Variants in PAQR5 observed in about 807,000 individuals in gnomAD.
The protein encoded by PAQR5 is progestin and adipoQ receptor family member 5.
A neutral mutation model predicts 34.5 loss-of-function variants in PAQR5; 20 were observed. The ratio of observed to expected loss-of-function variants is 0.58; its 90% confidence interval spans 0.41 to 0.84. PAQR5 has a LOEUF of 0.84. Ranked by LOEUF, PAQR5 falls within the 40% of genes least tolerant of loss-of-function variation. PAQR5 has a pLI of 0.00. For missense variants in PAQR5, 378 were observed against 412.7 expected (o/e 0.92, Z 0.73); for synonymous variants, 131 against 155.6 (o/e 0.84, Z 1.18).
intron 1 of PAQR5, among the ~76,000 whole-genome samples, chr15:69,303,875 T>G (rs1373443350): frequency 6.6e-6 from 1 of 152,176 alleles, no homozygotes; most frequent in Non-Finnish European, 1.5e-5. Context: ...ATGGGGAGCT[T>G]TGGCTTTTTT....
intron 1 of PAQR5, 92 bp downstream of exon 1, chr15:69,299,148 G>T (rs2053462285): frequency 6.6e-6 from 1 of 152,092 alleles, no homozygotes; most frequent in South Asian, 2.1e-4. Context: ...GCCGCCCTGC[G>T]CCCGTGGAGC....
At chr15:69,375,147 C>A (rs2055671493) in intron 3 of PAQR5, among the ~76,000 whole-genome samples, 2 of 152,228 alleles carry the variant, frequency 1.3e-5, no homozygotes, top group South Asian at 4.1e-4. Flanking sequence ...TATTTTCTCG[C>A]AGTTCCGGAG....
intron 3 of PAQR5, among the ~76,000 whole-genome samples, chr15:69,367,574 G>A (rs2055435342): frequency 6.6e-6 from 1 of 152,202 alleles, no homozygotes; most frequent in Non-Finnish European, 1.5e-5. Context: ...ATCCCAGAAG[G>A]GGAAGCCAGG....
intron 6 of PAQR5, among the ~76,000 whole-genome samples, chr15:69,390,491 G>A (rs570501509): frequency 6.6e-6 from 1 of 151,932 alleles, no homozygotes; most frequent in African/African-American, 2.4e-5. Flanking sequence ...TTTGAACAGG[G>A]AGGTCCCTGC....
intron 1 of PAQR5, among the ~76,000 whole-genome samples, chr15:69,320,597 C>A (rs987578761): frequency 6.6e-6 from 1 of 151,920 alleles, no homozygotes; most frequent in African/African-American, 2.4e-5. Flanking sequence ...AAACAGGAAA[C>A]CCAAATATTT....
Position 69,400,062 on chromosome 15 carries a change from T to G in PAQR5, c.698T>G (p.Leu233Trp), listed in dbSNP as rs1442819706. ...ATCATGACCCTCCTGGCCTCTTTCT[T>G]GTACTCTGCACATCTGCCAGAACGC... ...HMIMTLLASFLYSAHLPERLA... is the reference protein window; with the variant it reads ...HMIMTLLASFWYSAHLPERLA... The change falls in exon 8 of 9, where the codon TTG becomes TGG. Residue 233 changes from leucine to tryptophan, a missense_variant. Transcript: ENST00000395407. The G allele has an allele frequency of 1.2e-6, 2 of 1,614,222 alleles. No individual in the cohort carries two copies. Among genetic ancestry groups the G allele is most frequent in the Non-Finnish European group, 1.7e-6 (2 of 1,180,032 alleles).
intron 1 of PAQR5, among the ~76,000 whole-genome samples, chr15:69,309,758 G>A (rs147940948): frequency 1.3e-5 from 2 of 152,264 alleles, no homozygotes; most frequent in Non-Finnish European, 2.9e-5. Context: ...TACCTAGAAA[G>A]CTGCTTCTTG....
intron 2 of PAQR5, among the ~76,000 whole-genome samples, chr15:69,342,342 G>A (rs1358531973): frequency 2.6e-5 from 4 of 151,388 alleles, no homozygotes; most frequent in Admixed American, 1.3e-4. Flanking sequence ...TATATTTGGG[G>A]AAAAATATCT....
rs539804918 is a variant in PAQR5 at position 69,314,161 on chromosome 15, C to T, written c.-277+15105C>T. ...TCATTTCTTCGATGTCTTTGGTACA[C>T]GTCCTCTCTAGAACCTGACTAATCA... On this transcript the variant is annotated intron_variant, in intron 1 of 8. Transcript: ENST00000395407. Among the ~76,000 whole-genome samples, 71 of 152,042 alleles carry T rather than the reference C, an allele frequency of 4.7e-4. 1 individual carries two copies. Among genetic ancestry groups the T allele is most frequent in the African/African-American group, 1.6e-3 (67 of 41,456 alleles).
intron 8 of PAQR5, among the ~76,000 whole-genome samples, chr15:69,402,515 A>C (rs560778764): frequency 1.3e-5 from 2 of 151,918 alleles, no homozygotes; most frequent in African/African-American, 4.8e-5. Flanking sequence ...ACGGGGTTTC[A>C]TCATGTTAGC....
chr15:69,386,747 T>C (rs1402525617), intron 5 of PAQR5, among the ~76,000 whole-genome samples: 2 of 150,980 alleles, frequency 1.3e-5, no homozygotes, highest in Admixed American at 1.3e-4. Flanking sequence ...CCTCCATGCC[T>C]ACTGCATCTC....
Position 69,343,722 on chromosome 15 carries a change from G to A in PAQR5, c.-116+6221G>A, listed in dbSNP as rs144464199. Among the ~76,000 whole-genome samples, 666 of 152,252 alleles carry A rather than the reference G, an allele frequency of 4.4e-3. 6 individuals are homozygous for A. Among genetic ancestry groups the A allele is most frequent in the Non-Finnish European group, 6.5e-3 (439 of 68,020 alleles). ...CTGATAAAATTGGCAGCATTTGTGG[G>A]TGTGTGTGTTAGTAGTAGGCAAAAA... On this transcript the variant is annotated intron_variant, in intron 2 of 8. Transcript: ENST00000395407.
intron 3 of PAQR5, among the ~76,000 whole-genome samples, chr15:69,368,043 T>C (rs950220134): frequency 7.5e-6 from 1 of 134,038 alleles, no homozygotes; most frequent in African/African-American, 2.8e-5. Context: ...TGTAGTGATA[T>C]CTGCAAGAAG....
chr15:69,311,193 C>T (rs1305695092), intron 1 of PAQR5, among the ~76,000 whole-genome samples: 2 of 151,802 alleles, frequency 1.3e-5, no homozygotes, highest in Non-Finnish European at 2.9e-5. Flanking sequence ...GGAGATACCT[C>T]GCTGTCATGA....
rs762123802 is a variant in PAQR5 at position 69,397,508 on chromosome 15, C to T, written c.553C>T (p.Arg185Cys). 93 of 1,613,744 alleles carry T rather than the reference C, an allele frequency of 5.8e-5. No individual in the cohort carries two copies. Among genetic ancestry groups the T allele is most frequent in the East Asian group, 1.1e-4 (5 of 44,892 alleles). The change falls in exon 7 of 9, where the codon CGT becomes TGT. Residue 185 changes from arginine (R) to cysteine (C), a missense_variant. Coordinates refer to ENST00000395407, the MANE Select transcript of PAQR5 (RefSeq NM_017705.4). ...GAAGCCCAGACTCTGTAAGGTGATT[C>T]GTGTCCTCGCCTTTGCTTATCCGTA... Reference protein sequence around the residue: ...IQKPRLCKVIRVLAFAYPYTW... With the variant: ...IQKPRLCKVICVLAFAYPYTW...
At chr15:69,333,526 C>G (rs1222302243) in intron 1 of PAQR5, among the ~76,000 whole-genome samples, 1 of 152,296 alleles carries the variant, frequency 6.6e-6, no homozygotes, top group African/African-American at 2.4e-5. Flanking sequence ...CGTCCCCACC[C>G]CGCACTGGGA....
chr15:69,379,020 A>T (rs1039499048), intron 3 of PAQR5, among the ~76,000 whole-genome samples: 1 of 152,202 alleles, frequency 6.6e-6, no homozygotes, highest in Non-Finnish European at 1.5e-5. Context: ...TGCTACCTCA[A>T]CAAATTAAAC....
At chr15:69,319,381 G>T (rs1290915019) in intron 1 of PAQR5, among the ~76,000 whole-genome samples, 1 of 151,002 alleles carries the variant, frequency 6.6e-6, no homozygotes, top group Non-Finnish European at 1.5e-5. Flanking sequence ...CTTGCTTTTG[G>T]TTGTGAGTGT....
At chr15:69,366,376 T>C (rs751131118) in intron 3 of PAQR5, among the ~76,000 whole-genome samples, 1 of 152,226 alleles carries the variant, frequency 6.6e-6, no homozygotes, top group East Asian at 1.9e-4. Flanking sequence ...GTGAGTTGTT[T>C]CTATTTTTTG....
Sources: allele counts gnomAD v4.1 joint callset (sites outside exome capture counted in the v4.1 genomes callset), GRCh38; gene constraint gnomAD v4.1.1; transcripts MANE v1.5; gene names NCBI Gene and HGNC (gene_info 2026-07-23, HGNC 2026-07-21).